SLAIN2: variants seen among roughly 807,000 people sequenced by gnomAD.
The protein encoded by SLAIN2 is SLAIN motif-containing protein 2.
Under a neutral mutation model 56.6 loss-of-function variants are expected in SLAIN2, and 31 were observed. The observed-to-expected ratio is 0.55, with a 90% CI of 0.41 to 0.74. The LOEUF is 0.74. SLAIN2 is among the 30% of genes least tolerant of loss of function. The pLI is 0.00. For missense variants in SLAIN2, 777 were observed against 754.2 expected, an observed-to-expected ratio of 1.03 and a Z score of -0.35; for synonymous variants, 317 against 284.9, an observed-to-expected ratio of 1.11 and a Z score of -1.13.
At chr4:48,382,275 T>C (rs1242176521) in intron 4 of SLAIN2, among the ~76,000 whole-genome samples, 1 of 152,164 alleles carries the variant, frequency 6.6e-6, no homozygotes, top group Non-Finnish European at 1.5e-5. Context: ...GGGGTAGAAA[T>C]ATTTTTAAAT....
chr4:48,411,309 A>G (rs1345056249), intron 6 of SLAIN2, among the ~76,000 whole-genome samples: 3 of 152,092 alleles, frequency 2.0e-5, no homozygotes, highest in East Asian at 1.9e-4. Context: ...CGTTTTGGGG[A>G]TGGAAGAAAT....
chr4:48,403,668 C>T (rs1056183569), intron 6 of SLAIN2, among the ~76,000 whole-genome samples: 7 of 152,192 alleles, frequency 4.6e-5, no homozygotes, highest in African/African-American at 1.7e-4. Context: ...AATTCCAAGC[C>T]AGTAGGTCTT....
At position 48,382,642 on chromosome 4, in the gene SLAIN2, A is replaced by G. The variant is rs1198319537; in HGVS notation, c.937A>G (p.Thr313Ala). Residue 313 changes from threonine to alanine, a missense_variant, in exon 5 of 8, where the codon ACT becomes GCT. Thr to Ala is a moderately conservative substitution (Grantham distance 58, BLOSUM62 0). Transcript: ENST00000264313. ...GSSCNSTRRG[T>A]FSDQELDAQS... ...ATCTTGCAATTCTACAAGACGGGGTACTTTTAGTGATCAGGAACTTGATGC... is the reference window on the plus strand; with the variant it reads ...ATCTTGCAATTCTACAAGACGGGGTGCTTTTAGTGATCAGGAACTTGATGC... 3.1e-6 allele frequency: 5 copies of G among 1,613,812 alleles called. No individual in the cohort carries two copies. The highest frequency in any genetic ancestry group is 4.2e-6 in the Non-Finnish European group (5 of 1,179,748).
intron 6 of SLAIN2, among the ~76,000 whole-genome samples, chr4:48,396,416 G>A (rs1716389501): frequency 1.3e-5 from 2 of 152,282 alleles, no homozygotes; most frequent in South Asian, 4.1e-4. Context: ...TTTTTAACCA[G>A]TTGAGAAATG....
intron 1 of SLAIN2, among the ~76,000 whole-genome samples, chr4:48,363,906 G>A (rs1441139868): frequency 1.5e-5 from 2 of 131,634 alleles, no homozygotes; most frequent in African/African-American, 2.7e-5. Flanking sequence ...CGGACGGCAC[G>A]GCTGGCCAGG....
In SLAIN2 at chr4:48,382,472, C is replaced by T. The variant is rs1044215673; in HGVS notation, c.863-96C>T. 2.5e-5 allele frequency: 32 copies of T among 1,283,308 alleles called. No individual in the cohort carries two copies. The South Asian group carries it at 6.4e-4, about 26-fold the overall frequency. The allele number at this position is 1,283,308 out of a possible 1,614,324, so 79.5% of individuals were successfully genotyped here. On this transcript the variant is annotated intron_variant, in intron 4 of 7. Transcript: ENST00000264313. ...AGTTTTCTTTTACACTTTACACCCT[C>T]TTTGAATTTTTCAGTGATAATCTTT...
At chr4:48,371,994 GCACACA>G (rs571522686) in intron 2 of SLAIN2, among the ~76,000 whole-genome samples, 1 of 139,128 alleles carries the variant, frequency 7.2e-6, no homozygotes, top group Non-Finnish European at 1.6e-5. Context: ...ACACACGCGC[GCACACA>G]CACACACACA....
chr4:48,398,753 T>A (rs1219130889), intron 6 of SLAIN2, among the ~76,000 whole-genome samples: 2 of 152,226 alleles, frequency 1.3e-5, no homozygotes, highest in Non-Finnish European at 2.9e-5. Context: ...AAATAGGGAA[T>A]CCTTTCCCCA....
chr4:48,407,182 A>AT (rs926589219), intron 6 of SLAIN2, among the ~76,000 whole-genome samples: 4 of 151,294 alleles, frequency 2.6e-5, no homozygotes, highest in African/African-American at 9.7e-5. Context: ...CTCTCGAATT[A>AT]TTTTTTTTCT....
chr4:48,376,373 T>G (rs1467153126), intron 2 of SLAIN2, among the ~76,000 whole-genome samples: 1 of 150,830 alleles, frequency 6.6e-6, no homozygotes, highest in Non-Finnish European at 1.5e-5. Flanking sequence ...AAGAATCGTT[T>G]GAGCCCAAGA....
chr4:48,366,674 CG>C (rs1289791018), intron 1 of SLAIN2, among the ~76,000 whole-genome samples: 1 of 152,072 alleles, frequency 6.6e-6, no homozygotes, highest in African/African-American at 2.4e-5. Flanking sequence ...TTGTAGACAA[CG>C]TTTCGTTGTG....
chr4:48,393,834 A>G (rs1207960673), intron 6 of SLAIN2, among the ~76,000 whole-genome samples: 1 of 152,096 alleles, frequency 6.6e-6, no homozygotes, highest in East Asian at 1.9e-4. Flanking sequence ...GCTGCTGCTT[A>G]CCTGTTAATT....
At chr4:48,348,695 A>AG (rs1429590920) in intron 1 of SLAIN2, among the ~76,000 whole-genome samples, 1 of 151,694 alleles carries the variant, frequency 6.6e-6, no homozygotes, top group East Asian at 1.9e-4. Flanking sequence ...GTCTCAAAAA[A>AG]AAAAAAAAAA....
intron 1 of SLAIN2, among the ~76,000 whole-genome samples, chr4:48,364,010 C>G (rs1715434363): frequency 8.7e-6 from 1 of 114,842 alleles, no homozygotes; most frequent in Non-Finnish European, 2.0e-5. Context: ...GGGGTGGCTG[C>G]TGGGCGGAGA....
intron 6 of SLAIN2, among the ~76,000 whole-genome samples, chr4:48,397,921 T>G (rs186140650): frequency 5.9e-5 from 9 of 152,352 alleles, no homozygotes; most frequent in Middle Eastern, 3.4e-3. Flanking sequence ...GGTATTTGGG[T>G]TGATTGCATG....
intron 1 of SLAIN2, among the ~76,000 whole-genome samples, chr4:48,361,397 A>G (rs1715323182): frequency 6.6e-6 from 1 of 152,234 alleles, no homozygotes; most frequent in Non-Finnish European, 1.5e-5. Flanking sequence ...AAGGTGAGAA[A>G]TGAAGCTAAA....
At chr4:48,406,525 CT>C (rs34797619) in intron 6 of SLAIN2, among the ~76,000 whole-genome samples, 2,739 of 135,046 alleles carry the variant, frequency 0.02, 59 homozygotes, top group African/African-American at 0.058. Flanking sequence ...CTCTCTCTCT[CT>C]TTTTTTTTTT....
rs377357015 is a variant in SLAIN2, at chr4:48,420,214, G to A, written c.1450G>A (p.Gly484Ser). 1.9e-6 allele frequency: 3 copies of A among 1,613,980 alleles called. No homozygotes were observed. The highest frequency in any genetic ancestry group is 2.7e-5 in the African/African-American group (2 of 75,044). ...GAAAGCATTTAGTAACCATGGCTCT[G>A]GTTCTCCTGGTAGCCAAGAAATAAC... ...PVKAFSNHGS[G>S]SPGSQEITQL... is the part of the protein sequence containing the mutation. The change falls in exon 7 of 8, where the codon GGT becomes AGT. Residue 484 changes from glycine (G) to serine (S), a missense_variant. Physicochemically the swap from Gly to Ser is moderately conservative, Grantham distance 56. Transcript: ENST00000264313.
At chr4:48,372,790 A>G (rs1432099366) in intron 2 of SLAIN2, among the ~76,000 whole-genome samples, 3 of 152,242 alleles carry the variant, frequency 2.0e-5, no homozygotes, top group Non-Finnish European at 4.4e-5. Flanking sequence ...AATACAATGT[A>G]TATTTGAAAT....
Sources: gnomAD v4.1 joint callset for allele counts (sites outside exome capture counted in the v4.1 genomes callset) on GRCh38, gnomAD v4.1.1 for gene constraint, MANE v1.5 for transcripts, NCBI Gene and HGNC (gene_info 2026-07-23, HGNC 2026-07-21) for gene names.